The following UTRN variants were observed in gnomAD, a reference collection of about 807,000 sequenced individuals.
UTRN encodes the protein utrophin.
In UTRN, 283 loss-of-function variants were observed where a neutral mutation model predicts 463.9. That is an observed-to-expected ratio of 0.61 (90% CI 0.55 to 0.67). The LOEUF is 0.67. Among genes scored for constraint, UTRN ranks in the 30% least tolerant of loss-of-function variants. UTRN has a pLI of 0.00. For missense variants in UTRN, 3,922 were observed against 4,084.3 expected, an observed-to-expected ratio of 0.96 and a Z score of 1.08; for synonymous variants, 1,442 against 1,431.5, an observed-to-expected ratio of 1.01 and a Z score of -0.17.
chr6:144,842,110 C>CAAAAAA (rs35954430), intron 73 of UTRN, among the ~76,000 whole-genome samples: 9 of 62,090 alleles, frequency 1.4e-4, no homozygotes, highest in Admixed American at 2.4e-4. Flanking sequence ...ACTTCCTCTC[C>CAAAAAA]AAAAAAAAAA....
rs114750149 is a variant in UTRN at position 144,421,879 on chromosome 6, G to A, written c.143G>A (p.Ser48Asn). 19,877 of 1,610,390 alleles carry A rather than the reference G, an allele frequency of 0.012. 134 individuals carry two copies. Among genetic ancestry groups the A allele is most frequent in the Non-Finnish European group, 0.014 (16,945 of 1,178,364 alleles). Residue 48 changes from serine (S) to asparagine (N), a missense_variant and splice_region_variant, in exon 4 of 75, where the codon AGT (serine) becomes AAT (asparagine). Physicochemically the swap from Ser to Asn is conservative, Grantham distance 46. Transcript: ENST00000367545. ...TTTATTTGTGTTTTTCTTTTACAGAGTGGGAAACCACCCATCAATGATATG... is the reference window on the plus strand; with the variant it reads ...TTTATTTGTGTTTTTCTTTTACAGAATGGGAAACCACCCATCAATGATATG... ...TKWINARFSK[S>N]GKPPINDMFT...
chr6:144,444,529 GT>G, intron 14 of UTRN, 147 bp downstream of exon 14: 2 of 445,430 alleles, frequency 4.5e-6, no homozygotes, highest in Non-Finnish European at 7.6e-6. Flanking sequence ...TTTCTATCCA[GT>G]TTATAACTGA....
At chr6:144,294,081 T>C (rs1396610544) in intron 2 of UTRN, among the ~76,000 whole-genome samples, 1 of 152,172 alleles carries the variant, frequency 6.6e-6, no homozygotes, top group African/African-American at 2.4e-5. Context: ...TGCTGATTTA[T>C]ATTTTCTAAA....
At chr6:144,418,419 TTCACTGTG>T (rs1189343111) in intron 3 of UTRN, among the ~76,000 whole-genome samples, 2 of 151,396 alleles carry the variant, frequency 1.3e-5, no homozygotes, top group Non-Finnish European at 2.9e-5. Context: ...GAGACGGGAT[TTCACTGTG>T]TTAGCCAGGA....
chr6:144,387,428 C>T (rs1244904678), intron 2 of UTRN, among the ~76,000 whole-genome samples: 1 of 152,196 alleles, frequency 6.6e-6, no homozygotes, highest in Non-Finnish European at 1.5e-5. Context: ...CATGAGCCAC[C>T]ATGCCCGGCC....
At chr6:144,656,225 A>G (rs1357364290) in intron 51 of UTRN, among the ~76,000 whole-genome samples, 2 of 152,216 alleles carry the variant, frequency 1.3e-5, no homozygotes, top group East Asian at 1.9e-4. Flanking sequence ...AACTACTTCA[A>G]ATGTCATCAT....
chr6:144,485,236 T>G, intron 27 of UTRN, 149 bp from the exon 28 acceptor site: 1 of 1,229,514 alleles, frequency 8.1e-7, no homozygotes, highest in Non-Finnish European at 1.1e-6. Flanking sequence ...TTTTATTTTA[T>G]TTTTTTGAAG....
intron 51 of UTRN, among the ~76,000 whole-genome samples, chr6:144,630,302 C>T (rs1776375058): frequency 6.6e-6 from 1 of 152,168 alleles, no homozygotes; most frequent in Non-Finnish European, 1.5e-5. Context: ...TCATGCTTTG[C>T]TGAGGGCCTG....
intron 50 of UTRN, among the ~76,000 whole-genome samples, chr6:144,572,554 C>G (rs1055827487): frequency 2.0e-5 from 3 of 152,076 alleles, no homozygotes; most frequent in African/African-American, 4.8e-5. Flanking sequence ...CCTTGCCCCC[C>G]ACCCCCTGAC....
At chr6:144,637,520 C>T (rs10434890) in intron 51 of UTRN, among the ~76,000 whole-genome samples, 52,704 of 151,660 alleles carry the variant, frequency 0.35, 9,365 homozygotes, top group Middle Eastern at 0.49. Flanking sequence ...TAACGTGCAA[C>T]GTCTCCTGCC....
In UTRN at chr6:144,840,807, T is replaced by G. The variant is rs1781505691; in HGVS notation, c.10245T>G (p.Ile3415Met). The part of the protein sequence containing the change: ...STDLTEVMEQ[I>M]HSTFPSCCPN... ...ATCTCACGGAGGTCATGGAGCAGAT[T>G]CACAGCACGTTTCCATCTTGCTGCC... The change falls in exon 73 of 75, where the codon ATT (isoleucine) becomes ATG (methionine). Residue 3415 changes from isoleucine to methionine, a missense_variant. Physicochemically the swap from Ile to Met is conservative, Grantham distance 10. This residue lies in a region of UTRN where 1,309 missense variants were observed against 1,452.6 expected (regional missense o/e 0.90). Transcript: ENST00000367545. 2 of 1,613,944 alleles carry G rather than the reference T, an allele frequency of 1.2e-6. No individual in the cohort carries two copies. The highest frequency in any genetic ancestry group is 2.2e-5 in the South Asian group (2 of 91,074).
intron 39 of UTRN, 40 bp from the exon 40 acceptor site, chr6:144,521,940 T>TAC: frequency 9.7e-7 from 1 of 1,034,842 alleles, no homozygotes. Flanking sequence ...TTAAGAGATA[T>TAC]ATATATATAT....
intron 51 of UTRN, among the ~76,000 whole-genome samples, chr6:144,614,956 G>A (rs923565551): frequency 3.9e-5 from 6 of 151,982 alleles, no homozygotes; most frequent in Non-Finnish European, 7.4e-5. Context: ...CATTTCAAAG[G>A]CACAAATTAG....
chr6:144,444,237 C>A, intron 13 of UTRN, 44 bp from the exon 14 acceptor site: 1 of 1,476,542 alleles, frequency 6.8e-7, no homozygotes, highest in Non-Finnish European at 9.4e-7. Context: ...TGATAACTCT[C>A]TCTTAAGGCT....
At chr6:144,714,976 CCT>C (rs936054311) in intron 53 of UTRN, among the ~76,000 whole-genome samples, 7 of 151,874 alleles carry the variant, frequency 4.6e-5, no homozygotes, top group African/African-American at 1.7e-4. Flanking sequence ...CCTTCTCTCC[CCT>C]GTCTTCTAAA....
In UTRN at chr6:144,718,784, C is replaced by T. The variant is rs558739306; in HGVS notation, c.7810-11573C>T. 6.6e-5 allele frequency among the ~76,000 whole-genome samples: 10 copies of T among 152,322 alleles called. No individual in the cohort carries two copies. The South Asian group carries it at 2.1e-3, about 32-fold the overall frequency. On this transcript the variant is annotated intron_variant, in intron 53 of 74. Coordinates refer to ENST00000367545, the MANE Select transcript of UTRN (RefSeq NM_007124.3). ...TACCTGCTCTGGCACAAATTTCAGC[C>T]TTCCATGAGGGCTCAGTCTGGCACC...
At chr6:144,786,817 T>C (rs1300685804) in intron 61 of UTRN, among the ~76,000 whole-genome samples, 2 of 152,194 alleles carry the variant, frequency 1.3e-5, no homozygotes, top group Non-Finnish European at 2.9e-5. Flanking sequence ...TTTCCATACA[T>C]AAAGGATTGT....
chr6:144,618,042 T>C (rs1806326968), intron 51 of UTRN, among the ~76,000 whole-genome samples: 1 of 152,204 alleles, frequency 6.6e-6, no homozygotes, highest in African/African-American at 2.4e-5. Context: ...AAATTGCACC[T>C]GGGTGTTTAA....
intron 41 of UTRN, among the ~76,000 whole-genome samples, chr6:144,529,875 G>A (rs1032573220): frequency 6.6e-6 from 1 of 152,038 alleles, no homozygotes; most frequent in Non-Finnish European, 1.5e-5. Context: ...AAAAAGATAG[G>A]AGAAAAAATT....
Sources: gnomAD v4.1 joint callset for allele counts (sites outside exome capture counted in the v4.1 genomes callset) on GRCh38, gnomAD v4.1.1 for gene constraint, gnomAD v4.1.1 regional missense constraint, MANE v1.5 for transcripts, NCBI Gene and HGNC (gene_info 2026-07-23, HGNC 2026-07-21) for gene names.